Variants in SDCCAG8 observed in about 807,000 individuals in gnomAD.
The protein encoded by SDCCAG8 is SHH signaling and ciliogenesis regulator SDCCAG8.
In SDCCAG8, 74 loss-of-function variants were observed where a neutral mutation model predicts 101.8. The observed-to-expected ratio is 0.73, with a 90% CI of 0.60 to 0.88. SDCCAG8 has a LOEUF of 0.88. Ranked by LOEUF, SDCCAG8 falls within the 40% of genes least tolerant of loss-of-function variation. The pLI, the probability that SDCCAG8 is intolerant of heterozygous loss-of-function variation, is 0.00. For missense variants in SDCCAG8, 787 were observed against 822.6 expected (o/e 0.96, Z 0.53); for synonymous variants, 281 against 292.9 (o/e 0.96, Z 0.41).
chr1:243,288,117 G>A (rs2069812056), intron 5 of SDCCAG8, among the ~76,000 whole-genome samples: 1 of 152,122 alleles, frequency 6.6e-6, no homozygotes, highest in Non-Finnish European at 1.5e-5. Context: ...TTAATCTTCT[G>A]TTATTTGTTG....
chr1:243,480,953 C>A (rs1157707570), intron 16 of SDCCAG8, among the ~76,000 whole-genome samples: 1 of 151,004 alleles, frequency 6.6e-6, no homozygotes, highest in Non-Finnish European at 1.5e-5. Flanking sequence ...ATCTGTGGAA[C>A]CAGGAGACTG....
chr1:243,343,036 A>G (rs1213858342), intron 11 of SDCCAG8, among the ~76,000 whole-genome samples: 15 of 152,186 alleles, frequency 9.9e-5, no homozygotes, highest in Admixed American at 9.8e-4. Flanking sequence ...ACCACAGTAC[A>G]CTGCAGTCCT....
chr1:243,430,233 C>T (rs936822719), intron 16 of SDCCAG8, among the ~76,000 whole-genome samples: 2 of 152,068 alleles, frequency 1.3e-5, no homozygotes, highest in African/African-American at 4.8e-5. Context: ...CTATCTGGCC[C>T]TCTCCTAAAA....
intron 13 of SDCCAG8, among the ~76,000 whole-genome samples, chr1:243,389,387 C>G (rs1164414215): frequency 4.6e-5 from 7 of 152,130 alleles, no homozygotes; most frequent in Non-Finnish European, 1.0e-4. Flanking sequence ...AAGAAAGAAG[C>G]ACAGCTAAAT....
rs2066618747 is a variant in SDCCAG8 at position 243,256,063 on chromosome 1, C to G, written c.-111C>G. The G allele has an allele frequency of 1.0e-6, 1 of 998,000 alleles. No individual in the cohort carries two copies. Among genetic ancestry groups the G allele is most frequent in the African/African-American group, 1.6e-5 (1 of 63,106 alleles). The allele number at this position is 998,000 out of a possible 1,614,324, so 61.8% of individuals were successfully genotyped here. A position where few individuals can be genotyped will look rare whatever the true frequency, so the allele number is the denominator to read the frequency against. ...GGGATTCTAGGCTCCCCTGTGACAG[C>G]CGCGGCAGGAAGCAGGCGGGCGCTC... On this transcript the variant is annotated 5_prime_UTR_variant, in exon 1 of 18. Coordinates refer to ENST00000366541, the MANE Select transcript of SDCCAG8 (RefSeq NM_006642.5).
At chr1:243,419,887 T>C (rs1365073081) in intron 15 of SDCCAG8, among the ~76,000 whole-genome samples, 1 of 152,214 alleles carries the variant, frequency 6.6e-6, no homozygotes, top group African/African-American at 2.4e-5. Flanking sequence ...TTTTTCCTCC[T>C]CTAGATCTGT....
At chr1:243,415,523 A>C (rs1343963484) in intron 13 of SDCCAG8, among the ~76,000 whole-genome samples, 179 bp from the exon 14 acceptor site, 1 of 152,176 alleles carries the variant, frequency 6.6e-6, no homozygotes, top group African/African-American at 2.4e-5. Flanking sequence ...CGTATTTAAC[A>C]CTGTATGGAA....
intron 4 of SDCCAG8, 32 bp from the exon 5 acceptor site, chr1:243,286,230 CTGCTTAATAA>C: frequency 6.2e-7 from 1 of 1,600,088 alleles, no homozygotes; most frequent in Non-Finnish European, 8.6e-7. Context: ...AATAAAAACA[CTGCTTAATAA>C]TGCTTAATGT....
At chr1:243,491,234 T>C (rs1666331954) in intron 17 of SDCCAG8, among the ~76,000 whole-genome samples, 2 of 152,290 alleles carry the variant, frequency 1.3e-5, no homozygotes, top group Admixed American at 6.5e-5. Flanking sequence ...AATCTGGCTA[T>C]TGCCAAATGA....
At chr1:243,410,780 G>T (rs970881327) in intron 13 of SDCCAG8, among the ~76,000 whole-genome samples, 1 of 152,106 alleles carries the variant, frequency 6.6e-6, no homozygotes, top group Non-Finnish European at 1.5e-5. Context: ...AATAATAAAC[G>T]ATATGAAAAA....
chr1:243,476,093 C>T (rs939642371), intron 16 of SDCCAG8: 4 of 985,286 alleles, frequency 4.1e-6, no homozygotes, highest in Non-Finnish European at 4.8e-6. Context: ...TGGAGGACCC[C>T]CTTTTACTGA....
chr1:243,300,342 C>T (rs2071383211), intron 6 of SDCCAG8, among the ~76,000 whole-genome samples: 1 of 152,106 alleles, frequency 6.6e-6, no homozygotes, highest in South Asian at 2.1e-4. Context: ...TATTTCTATA[C>T]TAAATCCTTT....
chr1:243,468,591 G>A (rs995982109), intron 16 of SDCCAG8, among the ~76,000 whole-genome samples: 3 of 152,200 alleles, frequency 2.0e-5, no homozygotes, highest in African/African-American at 7.2e-5. Flanking sequence ...GGAGACCAAG[G>A]TGGGAGGATC....
chr1:243,365,500 T>G (rs1476609204), intron 12 of SDCCAG8, among the ~76,000 whole-genome samples: 1 of 152,190 alleles, frequency 6.6e-6, no homozygotes, highest in Non-Finnish European at 1.5e-5. Flanking sequence ...AATCAGAATA[T>G]TTGATTATTT....
intron 16 of SDCCAG8, among the ~76,000 whole-genome samples, chr1:243,434,190 C>A (rs1159239531): frequency 6.6e-6 from 1 of 152,146 alleles, no homozygotes; most frequent in Non-Finnish European, 1.5e-5. Flanking sequence ...TAATGGTTTC[C>A]CAGTAACTAC....
chr1:243,271,906 A>G (rs1286034492), intron 3 of SDCCAG8, among the ~76,000 whole-genome samples: 1 of 152,206 alleles, frequency 6.6e-6, no homozygotes, highest in South Asian at 2.1e-4. Flanking sequence ...ATAAAATAGT[A>G]TGATATATAA....
At chr1:243,405,427 A>G (rs569161276) in intron 13 of SDCCAG8, among the ~76,000 whole-genome samples, 1 of 152,362 alleles carries the variant, frequency 6.6e-6, no homozygotes, top group South Asian at 2.1e-4. Flanking sequence ...GTTCTTTAGA[A>G]TAACATCTGA....
intron 13 of SDCCAG8, among the ~76,000 whole-genome samples, chr1:243,394,582 A>T (rs1210992204): frequency 2.6e-5 from 4 of 152,258 alleles, no homozygotes; most frequent in African/African-American, 9.6e-5. Context: ...AATAAACCAG[A>T]GAAAATTACA....
At chr1:243,452,518 C>A (rs532099370) in intron 16 of SDCCAG8, among the ~76,000 whole-genome samples, 1 of 148,422 alleles carries the variant, frequency 6.7e-6, no homozygotes, top group Admixed American at 6.9e-5. Flanking sequence ...GAACTCCTGG[C>A]CTGTAGGGAT....
Sources: allele counts gnomAD v4.1 joint callset (sites outside exome capture counted in the v4.1 genomes callset), GRCh38; gene constraint gnomAD v4.1.1; transcripts MANE v1.5; gene names NCBI Gene and HGNC (gene_info 2026-07-23, HGNC 2026-07-21).